The following SCFD2 variants were observed in gnomAD, a reference collection of about 807,000 sequenced individuals.
SCFD2 encodes sec1 family domain-containing protein 2.
In SCFD2, 54 loss-of-function variants were observed where a neutral mutation model predicts 58.9. That is an observed-to-expected ratio of 0.92 (90% CI 0.74 to 1.15). The LOEUF is 1.15. SCFD2 is among the 50% of genes most tolerant of loss of function. The probability of loss-of-function intolerance (pLI) is 0.00; values close to 1 mark genes in which losing one functional copy is unlikely to be tolerated. For missense variants in SCFD2, 805 were observed against 836.6 expected (o/e 0.96, Z 0.47); for synonymous variants, 321 against 335.9 (o/e 0.96, Z 0.49).
At chr4:53,355,812 A>G (rs1281093303) in intron 1 of SCFD2, among the ~76,000 whole-genome samples, 1 of 152,178 alleles carries the variant, frequency 6.6e-6, no homozygotes, top group Non-Finnish European at 1.5e-5. Flanking sequence ...CCTTAGGCCC[A>G]TTGCACTTGC....
chr4:53,362,148 C>T (rs1481106771), intron 1 of SCFD2, among the ~76,000 whole-genome samples: 1 of 151,910 alleles, frequency 6.6e-6, no homozygotes, highest in Non-Finnish European at 1.5e-5. Flanking sequence ...AGAAGTTCAC[C>T]CAGGAAGGCC....
At chr4:53,312,828 TAA>T (rs1291645415) in intron 3 of SCFD2, among the ~76,000 whole-genome samples, 1 of 152,110 alleles carries the variant, frequency 6.6e-6, no homozygotes, top group Non-Finnish European at 1.5e-5. Flanking sequence ...ACCTTATTTT[TAA>T]AAGAGAAAAA....
intron 3 of SCFD2, among the ~76,000 whole-genome samples, chr4:53,306,952 G>A (rs932437535): frequency 6.6e-6 from 1 of 152,228 alleles, no homozygotes; most frequent in African/African-American, 2.4e-5. Flanking sequence ...GTCTTGGCAG[G>A]AAAAAGATGG....
chr4:53,345,691 C>A (rs889557357), intron 2 of SCFD2, among the ~76,000 whole-genome samples: 16 of 152,128 alleles, frequency 1.1e-4, no homozygotes, highest in African/African-American at 3.9e-4. Flanking sequence ...AGACTTGGAA[C>A]CGACCTAAAT....
intron 4 of SCFD2, among the ~76,000 whole-genome samples, chr4:53,254,961 C>G (rs1451983918): frequency 6.6e-6 from 1 of 150,580 alleles, no homozygotes; most frequent in African/African-American, 2.4e-5. Flanking sequence ...CAAGCTCCGC[C>G]TCCTGGGTTC....
chr4:52,999,380 G>C (rs993174456), intron 5 of SCFD2, among the ~76,000 whole-genome samples: 2 of 152,164 alleles, frequency 1.3e-5, no homozygotes, highest in Non-Finnish European at 2.9e-5. Flanking sequence ...TTGCAATTCT[G>C]TTCCTCTTGC....
chr4:53,237,944 C>G (rs1467957286), intron 4 of SCFD2, among the ~76,000 whole-genome samples: 6 of 121,812 alleles, frequency 4.9e-5, no homozygotes, highest in African/African-American at 9.4e-5. Context: ...GGCGGCTGGC[C>G]GGGCGAGGGG....
At position 53,103,544 on chromosome 4, in the gene SCFD2, A is replaced by G. The variant is rs1724890186; in HGVS notation, c.1561+41789T>C. On this transcript the variant is annotated intron_variant, in intron 5 of 8. Transcript: ENST00000401642. ...ATATCTATATTTTCATGGTTTTTAT[A>G]TATATTATATATAAATATATATATA... 2.0e-5 allele frequency among the ~76,000 whole-genome samples: 3 copies of G among 148,120 alleles called. No individual in the cohort carries two copies. In the South Asian group the frequency reaches 6.3e-4, roughly 31 times the overall value.
chr4:53,276,102 G>A (rs1396532117), intron 3 of SCFD2, among the ~76,000 whole-genome samples: 5 of 151,644 alleles, frequency 3.3e-5, no homozygotes, highest in Non-Finnish European at 4.4e-5. Context: ...TAGGACAGAT[G>A]TTAAGTATAT....
rs573726323 is a variant in SCFD2 at position 53,065,127 on chromosome 4, A to C, written c.1561+80206T>G. On this transcript the variant is annotated intron_variant, in intron 5 of 8. Coordinates refer to ENST00000401642, the MANE Select transcript of SCFD2 (RefSeq NM_152540.4). ...TCCAGTCATGACAGCAGATACCTTG[A>C]GAGTGGCAGGAAAACTTTCAGCAGA... Among the ~76,000 whole-genome samples the C allele has an allele frequency of 7.9e-5, 12 of 152,236 alleles. No individual in the cohort carries two copies. The South Asian group carries it at 2.5e-3, about 32-fold the overall frequency.
chr4:53,006,040 C>T (rs140652809), intron 5 of SCFD2, among the ~76,000 whole-genome samples: 5 of 152,332 alleles, frequency 3.3e-5, no homozygotes, highest in Non-Finnish European at 7.4e-5. Flanking sequence ...TCCTTCAACC[C>T]TCACTGCCTC....
At chr4:53,357,895 T>C (rs1365847061) in intron 1 of SCFD2, among the ~76,000 whole-genome samples, 3 of 152,246 alleles carry the variant, frequency 2.0e-5, no homozygotes, top group Non-Finnish European at 4.4e-5. Context: ...GAGTAGTCAC[T>C]GGAGCAAACT....
At chr4:53,232,385 T>A (rs1729466651) in intron 4 of SCFD2, among the ~76,000 whole-genome samples, 1 of 152,166 alleles carries the variant, frequency 6.6e-6, no homozygotes. Flanking sequence ...TTTTAACACA[T>A]ATTTTTCCCC....
chr4:52,999,879 G>A (rs1208123019), intron 5 of SCFD2, among the ~76,000 whole-genome samples: 2 of 152,188 alleles, frequency 1.3e-5, no homozygotes, highest in Non-Finnish European at 2.9e-5. Context: ...TGATCCTCCT[G>A]GGCTGTTCTG....
At chr4:52,917,153 C>T (rs1719629250) in intron 6 of SCFD2, among the ~76,000 whole-genome samples, 1 of 152,090 alleles carries the variant, frequency 6.6e-6, no homozygotes, top group South Asian at 2.1e-4. Context: ...GTTATTCTTT[C>T]ACCTCAGCCT....
At chr4:52,954,594 A>G (rs893360333) in intron 5 of SCFD2, among the ~76,000 whole-genome samples, 3 of 152,196 alleles carry the variant, frequency 2.0e-5, no homozygotes, top group Non-Finnish European at 4.4e-5. Flanking sequence ...ATGGGCAAAC[A>G]GATCAAAAGC....
intron 7 of SCFD2, among the ~76,000 whole-genome samples, chr4:52,887,812 T>C (rs753593174): frequency 2.0e-5 from 3 of 151,876 alleles, no homozygotes; most frequent in African/African-American, 7.3e-5. Flanking sequence ...GAGGAAGCCC[T>C]TTCTCTTACC....
chr4:53,301,321 C>A (rs1163533487), intron 3 of SCFD2, among the ~76,000 whole-genome samples: 1 of 152,150 alleles, frequency 6.6e-6, no homozygotes, highest in African/African-American at 2.4e-5. Flanking sequence ...ACTATAAACA[C>A]CTCTATGCAA....
chr4:53,288,679 A>G (rs1289331495), intron 3 of SCFD2, among the ~76,000 whole-genome samples: 1 of 152,234 alleles, frequency 6.6e-6, no homozygotes, highest in African/African-American at 2.4e-5. Context: ...ATGAAGGAGA[A>G]ATAATATTTT....
Sources: gnomAD v4.1 joint callset for allele counts (sites outside exome capture counted in the v4.1 genomes callset) on GRCh38, gnomAD v4.1.1 for gene constraint, MANE v1.5 for transcripts, NCBI Gene and HGNC (gene_info 2026-07-23, HGNC 2026-07-21) for gene names.